Variants in PDS5A observed in about 807,000 individuals in gnomAD.
PDS5A encodes sister chromatid cohesion protein PDS5 homolog A.
A neutral mutation model predicts 167.1 loss-of-function variants in PDS5A; 42 were observed. That is an observed-to-expected ratio of 0.25 (90% CI 0.20 to 0.33). The LOEUF (loss-of-function observed/expected upper bound fraction) is 0.33. Ranked by LOEUF, PDS5A falls within the 10% of genes least tolerant of loss-of-function variation. The pLI, the probability that PDS5A is intolerant of heterozygous loss-of-function variation, is 1.00. For synonymous variants in PDS5A, 553 were observed against 554.6 expected (o/e 1.00, Z 0.04); for missense variants, 1,033 against 1,605.9 (o/e 0.64, Z 6.10).
At chr4:39,827,038 G>GT in intron 32 of PDS5A, among the ~76,000 whole-genome samples, 1 of 150,600 alleles carries the variant, frequency 6.6e-6, no homozygotes, top group Non-Finnish European at 1.5e-5. Flanking sequence ...GTCTTGCTCT[G>GT]TTGCCCAGGC....
chr4:39,862,987 C>T lies in PDS5A; in HGVS notation c.2853G>A (p.Ala951=), dbSNP rs374197304. ...VKLLLPLEYM[A]IFALCAKDPV... is the part of the protein sequence containing the mutation. ...GATCTTTGGCACACAAGGCAAAGATCGCCATATACTCCAATGGGAGCAGTA... is the reference window on the plus strand; with the variant it reads ...GATCTTTGGCACACAAGGCAAAGATTGCCATATACTCCAATGGGAGCAGTA... The change falls in exon 25 of 33, where the codon GCG becomes GCA. Residue 951 remains alanine (A), a synonymous_variant. Coordinates refer to ENST00000303538, the MANE Select transcript of PDS5A (RefSeq NM_001100399.2). 8.1e-6 allele frequency: 13 copies of T among 1,613,286 alleles called. No homozygotes were observed. The East Asian group carries it at 1.6e-4, about 19-fold the overall frequency.
intron 16 of PDS5A, among the ~76,000 whole-genome samples, 189 bp from the exon 17 acceptor site, chr4:39,890,553 A>G (rs1301349781): frequency 6.6e-6 from 1 of 152,226 alleles, no homozygotes. Context: ...AAAGAAGTGG[A>G]TGATGTGGTT....
chr4:39,898,562 G>GT, intron 15 of PDS5A, 34 bp from the exon 16 acceptor site: 1 of 1,301,104 alleles, frequency 7.7e-7, no homozygotes, highest in East Asian at 2.7e-5. Context: ...TATTAGAGAA[G>GT]GAAAAAAAAA....
intron 32 of PDS5A, among the ~76,000 whole-genome samples, chr4:39,827,382 T>C (rs1050034279): frequency 2.6e-5 from 4 of 152,178 alleles, no homozygotes; most frequent in African/African-American, 9.7e-5. Context: ...TGGGCTGCTC[T>C]CACAGACTTC....
chr4:39,968,275 T>A (rs1730170532), intron 2 of PDS5A, among the ~76,000 whole-genome samples: 1 of 151,374 alleles, frequency 6.6e-6, no homozygotes, highest in African/African-American at 2.4e-5. Context: ...ATTTTAAATG[T>A]CACTTATTAG....
chr4:39,926,883 T>A, intron 3 of PDS5A, 22 bp from the exon 4 acceptor site: 1 of 1,375,016 alleles, frequency 7.3e-7, no homozygotes, highest in Non-Finnish European at 9.6e-7. Flanking sequence ...AAAAACACAT[T>A]AATTTAGACA....
intron 2 of PDS5A, among the ~76,000 whole-genome samples, chr4:39,938,292 C>T (rs550202180): frequency 6.6e-6 from 1 of 152,296 alleles, no homozygotes; most frequent in African/African-American, 2.4e-5. Context: ...CGGTGGCTCA[C>T]ACCTGTAATC....
Position 39,898,378 on chromosome 4 carries a change from G to C in PDS5A, c.1770+11C>G. On this transcript the variant is annotated intron_variant, in intron 16 of 32. Coordinates refer to ENST00000303538, the MANE Select transcript of PDS5A (RefSeq NM_001100399.2). ...AAGCTAGAGAAAAAGTGTGAAGTAT[G>C]ATTTACTAACCACACAAATATCTGC... 1 of 1,543,430 alleles carries C rather than the reference G, an allele frequency of 6.5e-7. No homozygotes were observed. The highest frequency in any genetic ancestry group is 8.7e-7 in the Non-Finnish European group (1 of 1,145,008).
chr4:39,851,653 T>G (rs2109521263), intron 26 of PDS5A, among the ~76,000 whole-genome samples: 1 of 152,292 alleles, frequency 6.6e-6, no homozygotes, highest in African/African-American at 2.4e-5. Flanking sequence ...AAGATGGAGC[T>G]AGGATTAGAA....
Position 39,928,121 on chromosome 4 carries a change from T to G in PDS5A, c.182A>C (p.Asp61Ala). 6.2e-7 allele frequency: 1 copy of G among 1,612,846 alleles called. No homozygotes were observed. The highest frequency in any genetic ancestry group is 2.2e-5 in the East Asian group (1 of 44,842). The change falls in exon 3 of 33, where the codon GAT becomes GCT. Residue 61 changes from aspartate (D) to alanine (A), a missense_variant. Physicochemically the swap from Asp to Ala is moderately radical, Grantham distance 126 (BLOSUM62 -2). Around this residue, in one of 4 missense-constraint regions of PDS5A, gnomAD observed 388 missense variants for 615.1 expected, o/e 0.63. Transcript: ENST00000303538. The part of the protein sequence containing the change: ...TFMDMDQDSE[D>A]EKQQYLPLAL... Reference sequence around the variant, plus strand: ...TAGTGGGAGATACTGCTGTTTTTCATCTTCTGAGTCCTGATCCATATCCAT... The same window carrying G: ...TAGTGGGAGATACTGCTGTTTTTCAGCTTCTGAGTCCTGATCCATATCCAT...
At chr4:39,835,134 T>C (rs1331403606) in intron 32 of PDS5A, among the ~76,000 whole-genome samples, 1 of 152,096 alleles carries the variant, frequency 6.6e-6, no homozygotes, top group Non-Finnish European at 1.5e-5. Context: ...GAGACAGGCT[T>C]TCACCATATT....
At chr4:39,958,269 G>T (rs1316955020) in intron 2 of PDS5A, among the ~76,000 whole-genome samples, 1 of 152,078 alleles carries the variant, frequency 6.6e-6, no homozygotes, top group Non-Finnish European at 1.5e-5. Flanking sequence ...CACATTGGGA[G>T]GTCGAAGCAG....
chr4:39,900,092 A>T (rs1303936335), intron 14 of PDS5A, among the ~76,000 whole-genome samples: 1 of 152,132 alleles, frequency 6.6e-6, no homozygotes, highest in Non-Finnish European at 1.5e-5. Flanking sequence ...AGAGACCATG[A>T]ATCATGCAGT....
intron 29 of PDS5A, 100 bp from the exon 30 acceptor site, chr4:39,844,901 T>C (rs1717452589): frequency 4.1e-6 from 5 of 1,228,346 alleles, no homozygotes; most frequent in Non-Finnish European, 5.5e-6. Context: ...TGTTAAGTGC[T>C]AATTAGTTAA....
At chr4:39,878,423 A>G (rs1216647146) in intron 18 of PDS5A, among the ~76,000 whole-genome samples, 2 of 151,942 alleles carry the variant, frequency 1.3e-5, no homozygotes, top group African/African-American at 2.4e-5. Flanking sequence ...GTGAAACCCC[A>G]TCTCTACTAA....
chr4:39,910,683 A>G (rs761624104), intron 9 of PDS5A, among the ~76,000 whole-genome samples: 35 of 152,274 alleles, frequency 2.3e-4, no homozygotes, highest in Admixed American at 1.3e-4. Context: ...AAACACACAA[A>G]ATCAGTTTGA....
intron 24 of PDS5A, 33 bp downstream of exon 24, chr4:39,863,303 T>A: frequency 6.6e-7 from 1 of 1,508,368 alleles, no homozygotes; most frequent in South Asian, 1.2e-5. Context: ...ACTTTGAAGA[T>A]AAGTAATTGA....
At chr4:39,920,421 G>A (rs749149765) in intron 6 of PDS5A, 22 bp from the exon 7 acceptor site, 2 of 1,102,766 alleles carry the variant, frequency 1.8e-6, no homozygotes, top group Admixed American at 1.9e-5. Flanking sequence ...TAAAAACATG[G>A]AAAGTTACAA....
At chr4:39,921,340 C>T (rs1488307793) in intron 6 of PDS5A, among the ~76,000 whole-genome samples, 1 of 152,044 alleles carries the variant, frequency 6.6e-6, no homozygotes, top group African/African-American at 2.4e-5. Flanking sequence ...AGCTTCTTGA[C>T]CCCTGCTCTA....
Sources: gnomAD v4.1 joint callset for allele counts (sites outside exome capture counted in the v4.1 genomes callset) on GRCh38, gnomAD v4.1.1 for gene constraint, gnomAD v4.1.1 regional missense constraint, MANE v1.5 for transcripts, NCBI Gene and HGNC (gene_info 2026-07-23, HGNC 2026-07-21) for gene names.